Variants in TATDN2 observed in about 807,000 individuals in gnomAD.
TATDN2 encodes the protein 3'-5' RNA nuclease TATDN2.
In TATDN2, 44 loss-of-function variants were observed where a neutral mutation model predicts 60.3. The observed-to-expected ratio is 0.73, with a 90% CI of 0.57 to 0.94. TATDN2 has a LOEUF of 0.94. TATDN2 is among the 40% of genes least tolerant of loss of function. The pLI is 0.00. For missense variants in TATDN2, 997 were observed against 948.0 expected, an observed-to-expected ratio of 1.05 and a Z score of -0.68; for synonymous variants, 399 against 355.8, an observed-to-expected ratio of 1.12 and a Z score of -1.37.
At chr3:10,272,823 C>G (rs546940223) in intron 4 of TATDN2, among the ~76,000 whole-genome samples, 128 of 151,720 alleles carry the variant, frequency 8.4e-4, no homozygotes, top group African/African-American at 2.9e-3. Context: ...TCACCTGAGG[C>G]CAGGAGTTGG....
chr3:10,276,495 A>C lies in TATDN2; in HGVS notation c.1961+7A>C. 1 of 1,613,664 alleles carries C rather than the reference A, an allele frequency of 6.2e-7. No individual in the cohort carries two copies. Among genetic ancestry groups the C allele is most frequent in the Non-Finnish European group, 8.5e-7 (1 of 1,179,862 alleles). On this transcript the variant is annotated splice_region_variant and intron_variant, in intron 5 of 7. Transcript: ENST00000448281. ...CTGACTACAAGATCCATAGGTTAGA[A>C]GACTGGAACTTCAGCGGGCAAATGA... is the stretch of plus-strand genomic sequence containing the variant.
intron 4 of TATDN2, among the ~76,000 whole-genome samples, chr3:10,273,681 G>A (rs1315683036): frequency 1.3e-5 from 2 of 151,466 alleles, no homozygotes; most frequent in Non-Finnish European, 2.9e-5. Flanking sequence ...GGAGAGTTTG[G>A]TTGATGTACC....
chr3:10,257,581 A>G (rs533948161), intron 2 of TATDN2, among the ~76,000 whole-genome samples: 30 of 141,314 alleles, frequency 2.1e-4, no homozygotes, highest in African/African-American at 7.3e-4. Context: ...GTGAGCTGAG[A>G]TCGCACCACT....
At chr3:10,255,535 A>C (rs1182604156) in intron 2 of TATDN2, among the ~76,000 whole-genome samples, 1 of 151,688 alleles carries the variant, frequency 6.6e-6, no homozygotes, top group Non-Finnish European at 1.5e-5. Context: ...TTCTCCCCCA[A>C]CTCCAGTCTT....
chr3:10,267,174 G>A lies in TATDN2; in HGVS notation c.949-2957G>A, dbSNP rs985601033. 9.9e-5 allele frequency among the ~76,000 whole-genome samples: 15 copies of A among 151,744 alleles called. No homozygotes were observed. In the East Asian group the frequency reaches 2.5e-3, roughly 25 times the overall value. On this transcript the variant is annotated intron_variant, in intron 3 of 7. Coordinates refer to ENST00000448281, the MANE Select transcript of TATDN2 (RefSeq NM_014760.4). ...CAGCTCAAGTGGTCTGCCTGCTTTGGCCTCCCAAAGTGCTGGGATTACAGG... is the reference window on the plus strand; with the variant it reads ...CAGCTCAAGTGGTCTGCCTGCTTTGACCTCCCAAAGTGCTGGGATTACAGG...
chr3:10,267,012 C>T (rs1332374113), intron 3 of TATDN2, among the ~76,000 whole-genome samples: 3 of 146,364 alleles, frequency 2.0e-5, no homozygotes, highest in Non-Finnish European at 4.5e-5. Flanking sequence ...TTCTGCCTCC[C>T]AGGTTCAAGT....
At chr3:10,271,887 C>T (rs546327209) in intron 4 of TATDN2, among the ~76,000 whole-genome samples, 4 of 152,022 alleles carry the variant, frequency 2.6e-5, no homozygotes, top group South Asian at 4.2e-4. Context: ...TGCCACCTTG[C>T]GTGGCTAATT....
intron 7 of TATDN2, 77 bp from the exon 8 acceptor site, chr3:10,279,144 A>T (rs773276248): frequency 9.8e-6 from 13 of 1,327,894 alleles, no homozygotes; most frequent in Non-Finnish European, 1.3e-5. Context: ...GAATATAAAC[A>T]TAGTATGAGC....
chr3:10,253,701 A>G (rs1200313432), intron 2 of TATDN2, among the ~76,000 whole-genome samples: 1 of 152,246 alleles, frequency 6.6e-6, no homozygotes, highest in Admixed American at 6.5e-5. Context: ...ATAGACTATC[A>G]CATAATCCCA....
Position 10,253,005 on chromosome 3 carries a change from C to T in TATDN2, c.414+3391C>T, listed in dbSNP as rs186591524. ...CCCAGCAGCTGGGACTACAGGTGCACGCCACCATGTCCGGCTAATTTTTTT... is the reference window on the plus strand; with the variant it reads ...CCCAGCAGCTGGGACTACAGGTGCATGCCACCATGTCCGGCTAATTTTTTT... On this transcript the variant is annotated intron_variant, in intron 2 of 7. Transcript: ENST00000448281. Among the ~76,000 whole-genome samples, 27 of 152,138 alleles carry T rather than the reference C, an allele frequency of 1.8e-4. 1 individual carries two copies. The South Asian group carries it at 3.9e-3, about 22-fold the overall frequency.
In TATDN2 at chr3:10,278,569, C is replaced by T; in HGVS notation, c.2145+107C>T. The T allele has an allele frequency of 6.9e-7, 1 of 1,448,586 alleles. No individual in the cohort carries two copies. Among genetic ancestry groups the T allele is most frequent in the South Asian group, 1.1e-5 (1 of 87,040 alleles). 89.7% of individuals were successfully genotyped at this position (1,448,586 alleles called of 1,614,324 possible). A position where few individuals can be genotyped will look rare whatever the true frequency, so the allele number is the denominator to read the frequency against. ...GCCAGAGCCCCAGTGACTTCCAGGT[C>T]CCATCCTGGGCTGTGTAGATGCCTC... On this transcript the variant is annotated intron_variant, in intron 6 of 7. Coordinates refer to ENST00000448281, the MANE Select transcript of TATDN2 (RefSeq NM_014760.4). This position sits in a 1 kb window ranked among gnomAD's most constrained non-coding sequence, Gnocchi z 4.7.
rs550175265 is a variant in TATDN2 at position 10,259,507 on chromosome 3, A to G, written c.415-630A>G. Among the ~76,000 whole-genome samples the G allele has an allele frequency of 3.3e-5, 5 of 152,296 alleles. No individual in the cohort carries two copies. The East Asian group carries it at 5.8e-4, about 18-fold the overall frequency. ...GAGTCCTGGAGTGAGTGGGTGCAAGAGGGGGCTGAGGCTTCACTTCCGTCT... is the reference window on the plus strand; with the variant it reads ...GAGTCCTGGAGTGAGTGGGTGCAAGGGGGGGCTGAGGCTTCACTTCCGTCT... On this transcript the variant is annotated intron_variant, in intron 2 of 7. Coordinates refer to ENST00000448281, the MANE Select transcript of TATDN2 (RefSeq NM_014760.4).
rs763996292 is a variant in TATDN2 at position 10,279,036 on chromosome 3, TACAGTC to T, written c.*12_*17del. The T allele has an allele frequency of 2.4e-4, 389 of 1,613,854 alleles. 4 individuals are homozygous for T. In the African/African-American group the frequency reaches 4.6e-3, roughly 19 times the overall value. ...CTCTACAGTCTTTAAGCAGAGAAGG[TACAGTC>T]CTCGGGAGTCTCCTAGAAAAGGTCG... On this transcript the variant is annotated 3_prime_UTR_variant, in exon 7 of 8. Transcript: ENST00000448281.
At chr3:10,272,147 C>T (rs996642137) in intron 4 of TATDN2, among the ~76,000 whole-genome samples, 4 of 151,982 alleles carry the variant, frequency 2.6e-5, no homozygotes, top group African/African-American at 7.3e-5. Context: ...CTTTGTCGCC[C>T]ACACTGGAGT....
Position 10,270,983 on chromosome 3 carries a change from A to G in TATDN2, c.1801A>G (p.Lys601Glu). The part of the protein sequence containing the change: ...FGEMGLDYSY[K>E]CTTPVPEQHK... Reference sequence around the variant, plus strand: ...AGAAATGGGCTTGGATTACTCTTACAAGTGCACCACGCCTGTCCCAGAACA... The same window carrying G: ...AGAAATGGGCTTGGATTACTCTTACGAGTGCACCACGCCTGTCCCAGAACA... Residue 601 changes from lysine (K) to glutamate (E), a missense_variant, in exon 4 of 8, where the codon AAG becomes GAG. Coordinates refer to ENST00000448281, the MANE Select transcript of TATDN2 (RefSeq NM_014760.4). The G allele has an allele frequency of 1.9e-6, 3 of 1,607,230 alleles. No homozygotes were observed. The highest frequency in any genetic ancestry group is 1.7e-6 in the Non-Finnish European group (2 of 1,177,142).
chr3:10,277,297 T>G (rs556219953), intron 5 of TATDN2, among the ~76,000 whole-genome samples: 40 of 152,360 alleles, frequency 2.6e-4, no homozygotes, highest in Middle Eastern at 3.4e-3. Context: ...TTCTGAACTC[T>G]TGCCACGTGT....
intron 4 of TATDN2, among the ~76,000 whole-genome samples, chr3:10,272,053 C>T (rs192682422): frequency 6.6e-6 from 1 of 152,086 alleles, no homozygotes; most frequent in African/African-American, 2.4e-5. Flanking sequence ...TTTTTCCTCC[C>T]AATATTTTTT....
chr3:10,275,158 G>T (rs1203272939), intron 4 of TATDN2, among the ~76,000 whole-genome samples: 2 of 151,826 alleles, frequency 1.3e-5, no homozygotes, highest in Admixed American at 1.3e-4. Context: ...GCTAATTTTT[G>T]TATTTTTAGT....
rs559746296 is a variant in TATDN2 at position 10,260,387 on chromosome 3, A to G, written c.665A>G (p.Glu222Gly). Residue 222 changes from glutamate (E) to glycine (G), a missense_variant, in exon 3 of 8, where the codon GAA becomes GGA. Coordinates refer to ENST00000448281, the MANE Select transcript of TATDN2 (RefSeq NM_014760.4). ...GCAGCAGAGCATCCCAGCCATGGAG[A>G]AGGACCAGCCAGGAGTGAAGGACCA... Reference protein sequence around the residue: ...PSAAEHPSHGEGPARSEGPAK... With the variant: ...PSAAEHPSHGGGPARSEGPAK... 148 of 1,613,724 alleles carry G rather than the reference A, an allele frequency of 9.2e-5. No homozygotes were observed. The East Asian group carries it at 2.5e-3, about 27-fold the overall frequency.
Sources: allele counts gnomAD v4.1 joint callset (sites outside exome capture counted in the v4.1 genomes callset), GRCh38; gene constraint gnomAD v4.1.1; non-coding constraint Gnocchi (gnomAD v3.1); transcripts MANE v1.5; gene names NCBI Gene and HGNC (gene_info 2026-07-23, HGNC 2026-07-21).